CHST4: variants seen among roughly 807,000 people sequenced by gnomAD.
CHST4 encodes the protein GST-3.
For missense variants in CHST4, 466 were observed against 506.0 expected (o/e 0.92, Z 0.76); for synonymous variants, 171 against 195.5 (o/e 0.87, Z 1.05).
At chr16:71,529,874 G>A (rs749346622) in intron 1 of CHST4, among the ~76,000 whole-genome samples, 3 of 152,170 alleles carry the variant, frequency 2.0e-5, no homozygotes, top group Non-Finnish European at 4.4e-5. Context: ...GGGGCTGGGC[G>A]CGGTGCTTCA....
At position 71,530,824 on chromosome 16, in the gene CHST4, T is replaced by C. The variant is rs548346799; in HGVS notation, c.-19+4329T>C. ...GGCCAGGCGTGGTGGCTCACACCTGTAATCCCAGCACTTTGGGAGGCCGAG... is the reference window on the plus strand; with the variant it reads ...GGCCAGGCGTGGTGGCTCACACCTGCAATCCCAGCACTTTGGGAGGCCGAG... On this transcript the variant is annotated intron_variant, in intron 1 of 1. Coordinates refer to ENST00000539698, the MANE Select transcript of CHST4 (RefSeq NM_001166395.2). 2.6e-4 allele frequency among the ~76,000 whole-genome samples: 40 copies of C among 152,260 alleles called. 1 individual carries two copies. The South Asian group carries it at 8.3e-3, about 32-fold the overall frequency.
At chr16:71,529,751 C>A (rs927549250) in intron 1 of CHST4, among the ~76,000 whole-genome samples, 3 of 151,974 alleles carry the variant, frequency 2.0e-5, no homozygotes, top group Non-Finnish European at 4.4e-5. Flanking sequence ...TAAGATACAG[C>A]CTTTCCCTTA....
At chr16:71,534,355 T>TC (rs1273174009) in intron 1 of CHST4, among the ~76,000 whole-genome samples, 56 of 149,810 alleles carry the variant, frequency 3.7e-4, no homozygotes, top group Admixed American at 2.6e-3. Context: ...TTTCTTTTTT[T>TC]TTTTTTTTTT....
intron 1 of CHST4, among the ~76,000 whole-genome samples, chr16:71,535,319 T>C (rs1408452156): frequency 6.6e-6 from 1 of 152,124 alleles, no homozygotes; most frequent in Non-Finnish European, 1.5e-5. Context: ...ACTATAGGCG[T>C]GTGCCAACAC....
chr16:71,537,306 T>A lies in CHST4; in HGVS notation c.629T>A (p.Val210Glu). The A allele has an allele frequency of 6.2e-7, 1 of 1,614,208 alleles. No individual in the cohort carries two copies. Among genetic ancestry groups the A allele is most frequent in the Non-Finnish European group, 8.5e-7 (1 of 1,180,036 alleles). The change falls in exon 2 of 2, where the codon GTG (valine) becomes GAG (glutamate). Residue 210 changes from valine to glutamate, a missense_variant. Physicochemically the swap from Val to Glu is moderately radical, Grantham distance 121. Coordinates refer to ENST00000539698, the MANE Select transcript of CHST4 (RefSeq NM_001166395.2). The surrounding 1 kb of genome is among the most constrained non-coding windows in gnomAD (Gnocchi z 4.2). ...CACCTGGTCCGGGACCCCCGGGCCG[T>A]GTTCCGTTCCCGAGAACGCACAAAG... ...IVHLVRDPRA[V>E]FRSRERTKGD...
intron 1 of CHST4, among the ~76,000 whole-genome samples, chr16:71,526,718 G>A (rs1297019875): frequency 4.6e-5 from 7 of 152,158 alleles, no homozygotes; most frequent in Admixed American, 4.6e-4. Context: ...ATCCCTAAAT[G>A]GGTCCAAAAG....
intron 1 of CHST4, among the ~76,000 whole-genome samples, chr16:71,533,959 T>C (rs1390027137): frequency 6.6e-6 from 1 of 151,796 alleles, no homozygotes. Context: ...GGGGAATCAC[T>C]TGAACCTGGG....
rs376124288 is a variant in CHST4 at position 71,537,519 on chromosome 16, G to A, written c.842G>A (p.Arg281Gln). ...YLLVRYEDLARAPVAQTSRMY... is the reference protein window; with the variant it reads ...YLLVRYEDLAQAPVAQTSRMY... The stretch of plus-strand genomic sequence containing the variant: ...CTTGTGCGCTATGAGGACCTGGCTC[G>A]AGCCCCTGTGGCCCAGACTTCCCGA... The change falls in exon 2 of 2, where the codon CGA becomes CAA. Residue 281 changes from arginine to glutamine, a missense_variant. Arg to Gln is a conservative substitution (Grantham distance 43). Coordinates refer to ENST00000539698, the MANE Select transcript of CHST4 (RefSeq NM_001166395.2). This position sits in a 1 kb window ranked among gnomAD's most constrained non-coding sequence, Gnocchi z 4.2. 39 of 1,614,016 alleles carry A rather than the reference G, an allele frequency of 2.4e-5. No homozygotes were observed. The South Asian group carries it at 2.7e-4, about 11-fold the overall frequency.
chr16:71,532,063 T>C (rs923438740), intron 1 of CHST4, among the ~76,000 whole-genome samples: 1 of 150,860 alleles, frequency 6.6e-6, no homozygotes, highest in African/African-American at 2.4e-5. Context: ...TTTTTTTTTT[T>C]TTGAGATGGA....
chr16:71,528,628 T>TTC (rs1425537146), intron 1 of CHST4, among the ~76,000 whole-genome samples: 2 of 152,124 alleles, frequency 1.3e-5, no homozygotes, highest in East Asian at 1.9e-4. Flanking sequence ...TCCAACCCCA[T>TTC]TCTCTCTCTC....
At chr16:71,530,938 G>A (rs1463741450) in intron 1 of CHST4, among the ~76,000 whole-genome samples, 2 of 151,982 alleles carry the variant, frequency 1.3e-5, no homozygotes, top group East Asian at 3.9e-4. Flanking sequence ...AAAATTAGCT[G>A]GGCACGGTGG....
chr16:71,529,919 G>C (rs1001243750), intron 1 of CHST4, among the ~76,000 whole-genome samples: 1 of 151,646 alleles, frequency 6.6e-6, no homozygotes. Context: ...AGGCCGAGGC[G>C]GGAGAATCAC....
chr16:71,530,183 C>A (rs2043937455), intron 1 of CHST4, among the ~76,000 whole-genome samples: 1 of 151,916 alleles, frequency 6.6e-6, no homozygotes. Context: ...AGAGACAGAA[C>A]TTCTTTCAGG....
At chr16:71,528,521 A>G (rs1242845423) in intron 1 of CHST4, among the ~76,000 whole-genome samples, 1 of 152,196 alleles carries the variant, frequency 6.6e-6, no homozygotes, top group Non-Finnish European at 1.5e-5. Flanking sequence ...GACACTGTCT[A>G]GGAAGAGTTT....
At chr16:71,534,876 A>G (rs1376088985) in intron 1 of CHST4, among the ~76,000 whole-genome samples, 3 of 152,086 alleles carry the variant, frequency 2.0e-5, no homozygotes, top group Non-Finnish European at 4.4e-5. Context: ...TACTACTACT[A>G]TGAATATTTT....
At chr16:71,533,443 A>C (rs1459997360) in intron 1 of CHST4, among the ~76,000 whole-genome samples, 1 of 136,932 alleles carries the variant, frequency 7.3e-6, no homozygotes, top group Non-Finnish European at 1.5e-5. Flanking sequence ...AAAAAAAAAC[A>C]AAAAAAAAAA....
At chr16:71,529,863 G>C (rs1462538891) in intron 1 of CHST4, among the ~76,000 whole-genome samples, 2 of 152,164 alleles carry the variant, frequency 1.3e-5, no homozygotes, top group African/African-American at 4.8e-5. Context: ...AATCTCAAGA[G>C]GGGGCTGGGC....
intron 1 of CHST4, among the ~76,000 whole-genome samples, chr16:71,531,322 C>G (rs1306837269): frequency 1.3e-5 from 2 of 152,126 alleles, no homozygotes; most frequent in Admixed American, 6.5e-5. Flanking sequence ...TTACAGTCTT[C>G]AGAAATGAGT....
chr16:71,534,650 G>A (rs1405260850), intron 1 of CHST4, among the ~76,000 whole-genome samples: 1 of 151,958 alleles, frequency 6.6e-6, no homozygotes, highest in South Asian at 2.1e-4. Flanking sequence ...GAGCCACTGT[G>A]CTCAGCCATG....
Sources: gnomAD v4.1 joint callset for allele counts (sites outside exome capture counted in the v4.1 genomes callset) on GRCh38, gnomAD v4.1.1 for gene constraint, Gnocchi (gnomAD v3.1) non-coding constraint, MANE v1.5 for transcripts, NCBI Gene and HGNC (gene_info 2026-07-23, HGNC 2026-07-21) for gene names.